SMAD4: variants seen among roughly 807,000 people sequenced by gnomAD.
SMAD4 encodes the protein MAD homolog 4.
In SMAD4, 7 loss-of-function variants were observed where a neutral mutation model predicts 63.2. The ratio of observed to expected loss-of-function variants is 0.11; its 90% confidence interval spans 0.06 to 0.21. The LOEUF (loss-of-function observed/expected upper bound fraction) is 0.21. Ranked by LOEUF, SMAD4 falls within the 10% of genes least tolerant of loss-of-function variation. The probability of loss-of-function intolerance (pLI) is 1.00; values close to 1 mark genes in which losing one functional copy is unlikely to be tolerated. For synonymous variants in SMAD4, 215 were observed against 235.4 expected (o/e 0.91, Z 0.79); for missense variants, 312 against 693.8 (o/e 0.45, Z 6.18).
intron 1 of SMAD4, among the ~76,000 whole-genome samples, chr18:51,031,311 G>C (rs565436325): frequency 6.6e-6 from 1 of 152,156 alleles, no homozygotes; most frequent in African/African-American, 2.4e-5. Flanking sequence ...ACTGCTGTTA[G>C]GATTTCTCAA....
At chr18:51,060,177 T>C (rs546775014) in intron 8 of SMAD4, among the ~76,000 whole-genome samples, 4 of 152,202 alleles carry the variant, frequency 2.6e-5, no homozygotes, top group Non-Finnish European at 4.4e-5. Flanking sequence ...GACTTCAGCA[T>C]TGAATACATA....
Position 51,076,722 on chromosome 18 carries a change from G to A in SMAD4, c.1393G>A (p.Val465Met), listed in dbSNP as rs786201798. 2.5e-6 allele frequency: 4 copies of A among 1,612,180 alleles called. No homozygotes were observed. The highest frequency in any genetic ancestry group is 3.4e-6 in the Non-Finnish European group (4 of 1,178,338). The change falls in exon 11 of 12, where the codon GTG (valine) becomes ATG (methionine). Residue 465 changes from valine (V) to methionine (M), a missense_variant. Coordinates refer to ENST00000342988, the MANE Select transcript of SMAD4 (RefSeq NM_005359.6). ...TGCAGCAGCTGCCCAGGCAGCAGCC[G>A]TGGCAGGAAACATCCCTGGCCCAGG... ...QAAAAAQAAA[V>M]AGNIPGPGSV...
chr18:51,062,424 C>G (rs1204342977), intron 8 of SMAD4, among the ~76,000 whole-genome samples: 1 of 152,096 alleles, frequency 6.6e-6, no homozygotes, highest in Non-Finnish European at 1.5e-5. Context: ...AAACCTCTTT[C>G]CTTCTCCCCA....
At chr18:51,039,757 A>C (rs983558853) in intron 1 of SMAD4, among the ~76,000 whole-genome samples, 1 of 152,234 alleles carries the variant, frequency 6.6e-6, no homozygotes, top group Non-Finnish European at 1.5e-5. Context: ...CCTTTAATTT[A>C]TTAATCCAAA....
At chr18:51,044,236 C>T (rs924796460) in intron 1 of SMAD4, among the ~76,000 whole-genome samples, 13 of 152,144 alleles carry the variant, frequency 8.5e-5, no homozygotes, top group African/African-American at 2.9e-4. Context: ...CCTTCAACTC[C>T]TGAGCTCAAG....
intron 1 of SMAD4, among the ~76,000 whole-genome samples, chr18:51,034,839 C>T (rs1909158435): frequency 6.6e-6 from 1 of 152,178 alleles, no homozygotes. Context: ...AGCCACCACG[C>T]CTGGCAAGTA....
At position 51,059,862 on chromosome 18, in the gene SMAD4, T is replaced by G; in HGVS notation, c.905-4T>G. The G allele has an allele frequency of 6.2e-7, 1 of 1,611,964 alleles. No individual in the cohort carries two copies. Among genetic ancestry groups the G allele is most frequent in the Non-Finnish European group, 8.5e-7 (1 of 1,178,164 alleles). ...AAATGGAATTTTTGTTGTCTTTTCTTTAGGGCCTGTTCACAATGAGCTTGC... is the reference window on the plus strand; with the variant it reads ...AAATGGAATTTTTGTTGTCTTTTCTGTAGGGCCTGTTCACAATGAGCTTGC... On this transcript the variant is annotated splice_polypyrimidine_tract_variant and splice_region_variant and intron_variant, in intron 7 of 11. Transcript: ENST00000342988.
chr18:51,067,244 G>T, intron 10 of SMAD4, 57 bp downstream of exon 10: 1 of 986,212 alleles, frequency 1.0e-6, no homozygotes, highest in East Asian at 2.4e-5. Flanking sequence ...GTTGTCAAAA[G>T]AATTGAAATC....
At position 51,083,989 on chromosome 18, in the gene SMAD4, AACGCGCGTGCGC is replaced by A. The variant is rs1284595953; in HGVS notation, c.*5530_*5541del. The A allele has an allele frequency of 8.4e-5, 18 of 214,950 alleles. No homozygotes were observed. The highest frequency in any genetic ancestry group is 3.2e-4 in the African/African-American group (13 of 40,054). 13.3% of individuals were successfully genotyped at this position (214,950 alleles called of 1,614,324 possible). A position where few individuals can be genotyped will look rare whatever the true frequency, so the allele number is the denominator to read the frequency against. The stretch of plus-strand genomic sequence containing the variant: ...ACCTTAGGGGCTGCAATAAACACTT[AACGCGCGTGCGC>A]ACGCGCGCGCGCACACACACACACA... On this transcript the variant is annotated 3_prime_UTR_variant, in exon 12 of 12. Coordinates refer to ENST00000342988, the MANE Select transcript of SMAD4 (RefSeq NM_005359.6).
Position 51,048,540 on chromosome 18 carries a change from AAGTT to A in SMAD4, c.250-140_250-137del, listed in dbSNP as rs377166864. On this transcript the variant is annotated intron_variant, in intron 2 of 11. Coordinates refer to ENST00000342988, the MANE Select transcript of SMAD4 (RefSeq NM_005359.6). Reference sequence around the variant, plus strand: ...TCTAGGTCTGATGTATGACATGGCCAAGTTAGTTATTGTGAATTTTAGTTTTCTT... The same window carrying A: ...TCTAGGTCTGATGTATGACATGGCCAAGTTATTGTGAATTTTAGTTTTCTT... 523 of 746,364 alleles carry A rather than the reference AAGTT, an allele frequency of 7.0e-4. 2 individuals are homozygous for A. In the African/African-American group the frequency reaches 8.0e-3, roughly 11 times the overall value. The allele number at this position is 746,364 out of a possible 1,614,324, so 46.2% of individuals were successfully genotyped here. A position where few individuals can be genotyped will look rare whatever the true frequency, so the allele number is the denominator to read the frequency against.
intron 3 of SMAD4, 141 bp from the exon 4 acceptor site, chr18:51,049,154 G>A (rs1465274379): frequency 1.5e-6 from 1 of 687,362 alleles, no homozygotes; most frequent in Non-Finnish European, 2.6e-6. Context: ...TTGTTAGATA[G>A]CGTTTATGCT....
rs548233227 is a variant in SMAD4 at position 51,065,863 on chromosome 18, T to C, written c.1139+257T>C. On this transcript the variant is annotated intron_variant, in intron 9 of 11. Coordinates refer to ENST00000342988, the MANE Select transcript of SMAD4 (RefSeq NM_005359.6). ...TGTTTCGAATAGTAAGTATACCTTTTGAAATTCAGTTTGAAAATTTTATTT... is the reference window on the plus strand; with the variant it reads ...TGTTTCGAATAGTAAGTATACCTTTCGAAATTCAGTTTGAAAATTTTATTT... 3.3e-5 allele frequency among the ~76,000 whole-genome samples: 5 copies of C among 152,326 alleles called. No individual in the cohort carries two copies. The East Asian group carries it at 7.7e-4, about 23-fold the overall frequency.
intron 1 of SMAD4, among the ~76,000 whole-genome samples, chr18:51,034,259 T>C (rs1286382135): frequency 6.6e-6 from 1 of 151,754 alleles, no homozygotes; most frequent in Non-Finnish European, 1.5e-5. Flanking sequence ...TCTTTTTTTT[T>C]TTCTGAGACG....
chr18:51,060,627 T>C (rs1204605301), intron 8 of SMAD4, among the ~76,000 whole-genome samples: 1 of 152,134 alleles, frequency 6.6e-6, no homozygotes, highest in Non-Finnish European at 1.5e-5. Flanking sequence ...AAGAATTATA[T>C]TTTTATTTTT....
intron 4 of SMAD4, chr18:51,052,988 A>G (rs1909749461): frequency 6.6e-6 from 1 of 152,372 alleles, no homozygotes; most frequent in Non-Finnish European, 1.5e-5. Context: ...AACATTTATT[A>G]TGGATTATCT....
chr18:51,038,323 C>T (rs951866056), intron 1 of SMAD4, among the ~76,000 whole-genome samples: 30 of 151,854 alleles, frequency 2.0e-4, no homozygotes, highest in Non-Finnish European at 4.1e-4. Flanking sequence ...CCAATATTTT[C>T]CCAAATGACC....
intron 8 of SMAD4, among the ~76,000 whole-genome samples, chr18:51,062,848 C>CTTTT (rs1366376175): frequency 9.6e-5 from 8 of 83,584 alleles, no homozygotes; most frequent in African/African-American, 3.1e-4. Context: ...TCTGGCTTTA[C>CTTTT]TTGTTTTTTT....
At chr18:51,054,747 TA>T (rs748927421) in intron 4 of SMAD4, 33 bp from the exon 5 acceptor site, 3 of 1,489,308 alleles carry the variant, frequency 2.0e-6, no homozygotes, top group South Asian at 2.3e-5. Context: ...TAGAAGCTTA[TA>T]AAAATTTAAA....
intron 5 of SMAD4, among the ~76,000 whole-genome samples, chr18:51,056,768 A>G (rs554570687): frequency 6.6e-6 from 1 of 152,300 alleles, no homozygotes; most frequent in East Asian, 1.9e-4. Context: ...TTACATACTT[A>G]GAATTGTATA....
Sources: allele counts gnomAD v4.1 joint callset (sites outside exome capture counted in the v4.1 genomes callset), GRCh38; gene constraint gnomAD v4.1.1; transcripts MANE v1.5; gene names NCBI Gene and HGNC (gene_info 2026-07-23, HGNC 2026-07-21).